LRRC4C: variants seen among roughly 807,000 people sequenced by gnomAD.
The protein encoded by LRRC4C is leucine-rich repeat-containing protein 4C.
Under a neutral mutation model 33.6 loss-of-function variants are expected in LRRC4C, and 5 were observed. The observed-to-expected ratio is 0.15, with a 90% CI of 0.08 to 0.31. The LOEUF is 0.31. LRRC4C is among the 10% of genes least tolerant of loss of function. The pLI is 1.00. For missense variants in LRRC4C, 560 were observed against 796.7 expected (o/e 0.70, Z 3.58); for synonymous variants, 329 against 302.0 (o/e 1.09, Z -0.93).
intron 3 of LRRC4C, among the ~76,000 whole-genome samples, chr11:40,546,847 C>T (rs1373891246): frequency 6.6e-6 from 1 of 152,086 alleles, no homozygotes; most frequent in Admixed American, 6.6e-5. Flanking sequence ...AAGTCAGAGG[C>T]TTGACTAACA....
At chr11:41,173,628 A>T (rs1480211134) in intron 1 of LRRC4C, among the ~76,000 whole-genome samples, 1 of 152,080 alleles carries the variant, frequency 6.6e-6, no homozygotes, top group Non-Finnish European at 1.5e-5. Flanking sequence ...TGGAGCAAAG[A>T]GCCTCTTGCT....
At chr11:40,487,510 G>A (rs906000513) in intron 3 of LRRC4C, among the ~76,000 whole-genome samples, 2 of 152,048 alleles carry the variant, frequency 1.3e-5, no homozygotes, top group Non-Finnish European at 2.9e-5. Flanking sequence ...GATCACCTGG[G>A]TGGGCCTTAA....
intron 2 of LRRC4C, among the ~76,000 whole-genome samples, chr11:40,746,943 C>T (rs892202912): frequency 2.0e-5 from 3 of 152,184 alleles, no homozygotes; most frequent in Admixed American, 1.3e-4. Flanking sequence ...TGTTATCACC[C>T]GTGCCTCACC....
chr11:40,265,371 T>A (rs1272833908), intron 4 of LRRC4C, among the ~76,000 whole-genome samples: 1 of 152,226 alleles, frequency 6.6e-6, no homozygotes, highest in Admixed American at 6.5e-5. Context: ...AGAATATACA[T>A]ACTGTTAGAA....
At chr11:41,443,049 G>GTTAT (rs1245254174) in intron 1 of LRRC4C, among the ~76,000 whole-genome samples, 99 of 123,242 alleles carry the variant, frequency 8.0e-4, no homozygotes, top group African/African-American at 1.9e-3. Context: ...ACCCCTTCTA[G>GTTAT]TTATTTATTT....
chr11:40,894,170 C>T (rs898228676), intron 2 of LRRC4C, among the ~76,000 whole-genome samples: 1 of 152,082 alleles, frequency 6.6e-6, no homozygotes. Flanking sequence ...CCAGTAATTT[C>T]ACCATAAATT....
At chr11:41,283,914 A>G (rs1313971494) in intron 1 of LRRC4C, among the ~76,000 whole-genome samples, 2 of 152,224 alleles carry the variant, frequency 1.3e-5, no homozygotes, top group Non-Finnish European at 2.9e-5. Context: ...AATAGTACCT[A>G]TCTTTTAGGG....
chr11:40,183,426 G>T (rs1861169555), intron 5 of LRRC4C, among the ~76,000 whole-genome samples: 2 of 152,124 alleles, frequency 1.3e-5, no homozygotes, highest in Non-Finnish European at 2.9e-5. Context: ...AGACCAAATA[G>T]CTGAGCTTAC....
intron 1 of LRRC4C, among the ~76,000 whole-genome samples, chr11:41,283,006 G>C (rs371438958): frequency 3.4e-4 from 51 of 152,148 alleles, no homozygotes; most frequent in Admixed American, 5.9e-4. Flanking sequence ...TCTATCAAAT[G>C]TAATGTTTTT....
At chr11:40,734,370 A>G (rs1947750580) in intron 2 of LRRC4C, among the ~76,000 whole-genome samples, 2 of 152,134 alleles carry the variant, frequency 1.3e-5, no homozygotes, top group East Asian at 3.9e-4. Flanking sequence ...TTGTTTACGG[A>G]TATTTTTCCT....
intron 2 of LRRC4C, among the ~76,000 whole-genome samples, chr11:40,737,014 T>C (rs1947902771): frequency 6.6e-6 from 1 of 152,160 alleles, no homozygotes; most frequent in South Asian, 2.1e-4. Flanking sequence ...AGATTCGTTT[T>C]GTCAATTTTG....
intron 3 of LRRC4C, among the ~76,000 whole-genome samples, chr11:40,494,827 G>A (rs1590911286): frequency 6.6e-6 from 1 of 152,164 alleles, no homozygotes; most frequent in African/African-American, 2.4e-5. Flanking sequence ...AGTATTGTAT[G>A]AAGCAATTTA....
At chr11:40,573,452 C>A (rs748164734) in intron 3 of LRRC4C, among the ~76,000 whole-genome samples, 8 of 152,102 alleles carry the variant, frequency 5.3e-5, no homozygotes, top group Non-Finnish European at 1.0e-4. Flanking sequence ...ATATGTAATT[C>A]TTTATGTCCA....
At position 41,382,490 on chromosome 11, in the gene LRRC4C, A is replaced by C. The variant is rs188222412; in HGVS notation, c.-496+76941T>G. 2.6e-5 allele frequency among the ~76,000 whole-genome samples: 4 copies of C among 152,220 alleles called. No individual in the cohort carries two copies. The East Asian group carries it at 7.7e-4, about 29-fold the overall frequency. On this transcript the variant is annotated intron_variant, in intron 1 of 6. Transcript: ENST00000528697. The stretch of plus-strand genomic sequence containing the variant: ...GATTTTTGTCTATGTTCACTGCTAC[A>C]ATTATATAAGCTAAAATATTGCTTG...
In LRRC4C at chr11:40,184,785, A is replaced by G. The variant is rs115551741; in HGVS notation, c.-95-43932T>C. 8.1e-3 allele frequency among the ~76,000 whole-genome samples: 1,226 copies of G among 152,246 alleles called. 6 individuals are homozygous for G. The highest frequency in any genetic ancestry group is 0.024 in the African/African-American group (1,003 of 41,560). On this transcript the variant is annotated intron_variant, in intron 5 of 6. Transcript: ENST00000528697. The stretch of plus-strand genomic sequence containing the variant: ...CTCTGGAGGGAGGGAATGCAATCTC[A>G]CACCCAAGAATCTTGAATTAGAATA...
At chr11:41,160,689 A>T (rs916428668) in intron 1 of LRRC4C, among the ~76,000 whole-genome samples, 3 of 152,160 alleles carry the variant, frequency 2.0e-5, no homozygotes, top group African/African-American at 4.8e-5. Context: ...AAATAAATTT[A>T]AAAATAGTGA....
intron 1 of LRRC4C, among the ~76,000 whole-genome samples, chr11:40,948,628 T>C (rs1592161943): frequency 6.7e-6 from 1 of 149,032 alleles, no homozygotes; most frequent in East Asian, 2.0e-4. Flanking sequence ...TTTGGTTTTT[T>C]GTTCTTGCGA....
At chr11:40,962,807 C>A (rs998538414) in intron 1 of LRRC4C, among the ~76,000 whole-genome samples, 5 of 151,680 alleles carry the variant, frequency 3.3e-5, no homozygotes, top group Non-Finnish European at 5.9e-5. Flanking sequence ...GGGCAGATTA[C>A]CTTTTCTCAA....
intron 2 of LRRC4C, among the ~76,000 whole-genome samples, chr11:40,680,004 C>T (rs544937049): frequency 6.6e-6 from 1 of 152,274 alleles, no homozygotes; most frequent in Admixed American, 6.5e-5. Flanking sequence ...GGGGATATAC[C>T]TTGCAAAGCC....
Sources: allele counts gnomAD v4.1 joint callset (sites outside exome capture counted in the v4.1 genomes callset), GRCh38; gene constraint gnomAD v4.1.1; transcripts MANE v1.5; gene names NCBI Gene and HGNC (gene_info 2026-07-23, HGNC 2026-07-21).